The following FKTN variants were observed in gnomAD, a reference collection of about 807,000 sequenced individuals.
FKTN encodes the protein ribitol-5-phosphate transferase FKTN.
A neutral mutation model predicts 58.6 loss-of-function variants in FKTN; 47 were observed. The observed-to-expected ratio is 0.80, with a 90% CI of 0.63 to 1.02. The LOEUF is 1.02. FKTN is among the 50% of genes least tolerant of loss of function. The probability of loss-of-function intolerance (pLI) is 0.00; values close to 1 mark genes in which losing one functional copy is unlikely to be tolerated. For missense variants in FKTN, 516 were observed against 537.3 expected (o/e 0.96, Z 0.39); for synonymous variants, 178 against 191.9 (o/e 0.93, Z 0.60).
chr9:105,615,931 C>A (rs1830726547), intron 8 of FKTN, among the ~76,000 whole-genome samples: 1 of 152,148 alleles, frequency 6.6e-6, no homozygotes. Context: ...CACTGTTATT[C>A]TTCTTACGAT....
chr9:105,614,446 A>G (rs897127786), intron 7 of FKTN, among the ~76,000 whole-genome samples: 5 of 152,188 alleles, frequency 3.3e-5, no homozygotes, highest in African/African-American at 1.2e-4. Context: ...GATAAAATGA[A>G]TGCACTTTCC....
chr9:105,612,950 G>C (rs1333045722), intron 7 of FKTN, among the ~76,000 whole-genome samples: 2 of 151,950 alleles, frequency 1.3e-5, no homozygotes, highest in African/African-American at 4.8e-5. Flanking sequence ...GGGCAACAGA[G>C]AGAGGAGACT....
At chr9:105,578,606 A>G (rs1842230549) in intron 3 of FKTN, among the ~76,000 whole-genome samples, 1 of 151,806 alleles carries the variant, frequency 6.6e-6, no homozygotes, top group Non-Finnish European at 1.5e-5. Flanking sequence ...ATCAATGTTC[A>G]TCAAGAATAT....
chr9:105,583,699 C>CT (rs1843419810), intron 3 of FKTN, among the ~76,000 whole-genome samples: 1 of 152,080 alleles, frequency 6.6e-6, no homozygotes, highest in Admixed American at 6.6e-5. Context: ...TAAATTAGTA[C>CT]TTAATGTATA....
intron 1 of FKTN, among the ~76,000 whole-genome samples, chr9:105,567,148 C>G (rs1441194680): frequency 6.6e-6 from 1 of 152,114 alleles, no homozygotes; most frequent in African/African-American, 2.4e-5. Context: ...GGACGTATCT[C>G]AAAATAATAA....
chr9:105,604,521 GAA>G (rs1564293129), intron 6 of FKTN, 29 bp downstream of exon 6: 1 of 1,582,284 alleles, frequency 6.3e-7, no homozygotes, highest in Non-Finnish European at 8.7e-7. Flanking sequence ...CGTGAAATGT[GAA>G]ATGAGTGTTG....
In FKTN at chr9:105,560,319, A is replaced by G. The variant is rs539490697; in HGVS notation, c.-181+2154A>G. Among the ~76,000 whole-genome samples, 22 of 152,284 alleles carry G rather than the reference A, an allele frequency of 1.4e-4. No individual in the cohort carries two copies. The South Asian group carries it at 4.3e-3, about 30-fold the overall frequency. On this transcript the variant is annotated intron_variant, in intron 1 of 10. Coordinates refer to ENST00000357998, the MANE Select transcript of FKTN (RefSeq NM_001079802.2). Reference sequence around the variant, plus strand: ...GGATTTTATTAAAATGTAGATTATGAATCAGTAGGTGGGGGCTGAAAATTC... The same window carrying G: ...GGATTTTATTAAAATGTAGATTATGGATCAGTAGGTGGGGGCTGAAAATTC...
chr9:105,611,660 T>C (rs1829933928), intron 7 of FKTN, among the ~76,000 whole-genome samples: 1 of 152,200 alleles, frequency 6.6e-6, no homozygotes. Context: ...TCCATGTCCC[T>C]GCAAAGAACA....
At chr9:105,595,713 G>T (rs1826656561) in intron 3 of FKTN, among the ~76,000 whole-genome samples, 1 of 152,112 alleles carries the variant, frequency 6.6e-6, no homozygotes, top group African/African-American at 2.4e-5. Flanking sequence ...TACAAAGATG[G>T]ATTGGACTTT....
intron 1 of FKTN, among the ~76,000 whole-genome samples, chr9:105,568,008 CT>C: frequency 6.6e-6 from 1 of 152,208 alleles, no homozygotes; most frequent in Non-Finnish European, 1.5e-5. Flanking sequence ...ACTATCTGAT[CT>C]TTGACAAAAC....
intron 1 of FKTN, among the ~76,000 whole-genome samples, chr9:105,566,037 T>C (rs1839525159): frequency 6.6e-6 from 1 of 152,180 alleles, no homozygotes; most frequent in Non-Finnish European, 1.5e-5. Context: ...AACAACCTGC[T>C]CCTGAATGAC....
In FKTN at chr9:105,639,362, T is replaced by G; in HGVS notation, c.*4098T>G. 2.2e-6 allele frequency: 2 copies of G among 890,882 alleles called. No homozygotes were observed. The highest frequency in any genetic ancestry group is 2.7e-6 in the Non-Finnish European group (2 of 743,710). 55.2% of individuals were successfully genotyped at this position (890,882 alleles called of 1,614,324 possible). A position where few individuals can be genotyped will look rare whatever the true frequency, so the allele number is the denominator to read the frequency against. ...ACAAGCTTTTGAGTTAGGCCTGAAT[T>G]TGAATTTCAGCTTAATCATGTGGGA... is the stretch of plus-strand genomic sequence containing the variant. On this transcript the variant is annotated 3_prime_UTR_variant, in exon 11 of 11. Transcript: ENST00000357998.
chr9:105,637,724 C>T lies in FKTN; in HGVS notation c.*2460C>T. ...TGACAACTTGTTGGTAGTTAGGCAC[C>T]CATGAATGTCTCCAGAGACATCCTG... On this transcript the variant is annotated 3_prime_UTR_variant, in exon 11 of 11. Transcript: ENST00000357998. 1 of 985,330 alleles carries T rather than the reference C, an allele frequency of 1.0e-6. No homozygotes were observed. The highest frequency in any genetic ancestry group is 1.2e-6 in the Non-Finnish European group (1 of 829,922). The allele number at this position is 985,330 out of a possible 1,614,324, so 61.0% of individuals were successfully genotyped here.
At chr9:105,602,254 CA>C (rs1828009295) in intron 5 of FKTN, among the ~76,000 whole-genome samples, 1 of 152,204 alleles carries the variant, frequency 6.6e-6, no homozygotes, top group African/African-American at 2.4e-5. Flanking sequence ...ACATAGTACA[CA>C]GGATAGATTT....
intron 3 of FKTN, among the ~76,000 whole-genome samples, chr9:105,589,466 C>T (rs1198587804): frequency 6.6e-6 from 1 of 151,612 alleles, no homozygotes; most frequent in Non-Finnish European, 1.5e-5. Context: ...CACGCCAGTG[C>T]ACTCCAGCCT....
chr9:105,598,250 GAC>G (rs1323044256), intron 4 of FKTN: 11 of 377,902 alleles, frequency 2.9e-5, no homozygotes, highest in Middle Eastern at 4.3e-4. Context: ...GTCACTGAAT[GAC>G]TATATTTGCA....
intron 10 of FKTN, among the ~76,000 whole-genome samples, chr9:105,632,429 T>A (rs10978175): frequency 0.13 from 15,745 of 118,228 alleles, 1,074 homozygotes; most frequent in Admixed American, 0.24. Flanking sequence ...TAAAAAAAAA[T>A]ATATATATAT....
In FKTN at chr9:105,635,175, A is replaced by T; in HGVS notation, c.1297A>T (p.Thr433Ser). Residue 433 changes from threonine to serine, a missense_variant, in exon 11 of 11, where the codon ACG (threonine) becomes TCG (serine). By Grantham distance (58) the Thr-to-Ser change is moderately conservative. Coordinates refer to ENST00000357998, the MANE Select transcript of FKTN (RefSeq NM_001079802.2). ...YGKTWKIPVK[T>S]WDWKRSPPNV... is the part of the protein sequence containing the mutation. Reference sequence around the variant, plus strand: ...TAAGACCTGGAAGATTCCTGTAAAGACGTGGGACTGGAAGCGCTCTCCTCC... The same window carrying T: ...TAAGACCTGGAAGATTCCTGTAAAGTCGTGGGACTGGAAGCGCTCTCCTCC... The T allele has an allele frequency of 6.2e-7, 1 of 1,614,206 alleles. No individual in the cohort carries two copies. Among genetic ancestry groups the T allele is most frequent in the Non-Finnish European group, 8.5e-7 (1 of 1,180,016 alleles).
chr9:105,639,267 C>G lies in FKTN; in HGVS notation c.*4003C>G, dbSNP rs747344491. The G allele has an allele frequency of 1.6e-5, 16 of 985,272 alleles. No individual in the cohort carries two copies. The highest frequency in any genetic ancestry group is 1.9e-5 in the Non-Finnish European group (16 of 829,920). The allele number at this position is 985,272 out of a possible 1,614,324, so 61.0% of individuals were successfully genotyped here. A position where few individuals can be genotyped will look rare whatever the true frequency, so the allele number is the denominator to read the frequency against. On this transcript the variant is annotated 3_prime_UTR_variant, in exon 11 of 11. Transcript: ENST00000357998. ...CTCTTTCCTCCTTGTCTTCCACTAT[C>G]ATTAAGACCTGGGCTAGATCACCTC...
Sources: allele counts gnomAD v4.1 joint callset (sites outside exome capture counted in the v4.1 genomes callset), GRCh38; gene constraint gnomAD v4.1.1; transcripts MANE v1.5; gene names NCBI Gene and HGNC (gene_info 2026-07-23, HGNC 2026-07-21).